FGF12: variants seen among roughly 807,000 people sequenced by gnomAD.
FGF12 encodes fibroblast growth factor 12, also known as fibroblast growth factor 12B.
In FGF12, 14 loss-of-function variants were observed where a neutral mutation model predicts 23.6. The observed-to-expected ratio is 0.59, with a 90% confidence interval of 0.39 to 0.93. The LOEUF (loss-of-function observed/expected upper bound fraction) is 0.93. FGF12 is among the 40% of genes least tolerant of loss of function. The pLI is 0.00. For synonymous variants in FGF12, 62 were observed against 77.3 expected (o/e 0.80, Z 1.04); for missense variants, 175 against 217.8 (o/e 0.80, Z 1.24).
At chr3:192,703,808 T>C (rs1056960974) in intron 2 of FGF12, among the ~76,000 whole-genome samples, 2 of 152,218 alleles carry the variant, frequency 1.3e-5, no homozygotes, top group African/African-American at 2.4e-5. Context: ...TCAGGAGATC[T>C]GATGGTTTTA....
intron 2 of FGF12, among the ~76,000 whole-genome samples, chr3:192,617,190 G>C (rs894640322): frequency 6.6e-6 from 1 of 151,934 alleles, no homozygotes; most frequent in Non-Finnish European, 1.5e-5. Flanking sequence ...CTGATTTCTA[G>C]GTAAGCTTTT....
chr3:192,185,595 C>T (rs1716412887), intron 4 of FGF12, among the ~76,000 whole-genome samples: 2 of 151,722 alleles, frequency 1.3e-5, no homozygotes, highest in South Asian at 2.1e-4. Flanking sequence ...GGCGTGGTGG[C>T]TCACGCCTGT....
intron 2 of FGF12, among the ~76,000 whole-genome samples, chr3:192,567,737 C>CTT (rs1158440587): frequency 2.9e-4 from 13 of 45,172 alleles, no homozygotes; most frequent in Non-Finnish European, 4.6e-4. Context: ...CCATGTGTCT[C>CTT]TTTCTTTCTT....
chr3:192,589,007 C>T (rs1451284386), intron 2 of FGF12, among the ~76,000 whole-genome samples: 1 of 151,874 alleles, frequency 6.6e-6, no homozygotes, highest in Non-Finnish European at 1.5e-5. Context: ...GAAACTGTAT[C>T]AGCATGGTCA....
chr3:192,476,826 A>G (rs1723340005), intron 2 of FGF12, among the ~76,000 whole-genome samples: 1 of 152,224 alleles, frequency 6.6e-6, no homozygotes, highest in Admixed American at 6.5e-5. Context: ...CTCTGAAGGC[A>G]ATAGAGAGCC....
At chr3:192,621,440 T>C (rs987697022) in intron 2 of FGF12, among the ~76,000 whole-genome samples, 7 of 152,038 alleles carry the variant, frequency 4.6e-5, no homozygotes, top group Admixed American at 4.6e-4. Context: ...CAAGAGCCAT[T>C]TGGAATTGAA....
At chr3:192,727,017 C>T (rs969092415) in intron 2 of FGF12, 164 bp downstream of exon 2, 1 of 799,104 alleles carries the variant, frequency 1.3e-6, no homozygotes, top group African/African-American at 1.7e-5. Flanking sequence ...AAAAAGAAGT[C>T]GCCTTCCTGC....
chr3:192,607,267 T>G (rs1458326779), intron 2 of FGF12, among the ~76,000 whole-genome samples: 1 of 152,052 alleles, frequency 6.6e-6, no homozygotes. Context: ...GGAAACCCCA[T>G]GTGTTCAGGA....
chr3:192,560,497 C>G (rs1711974458), intron 2 of FGF12, among the ~76,000 whole-genome samples: 1 of 151,728 alleles, frequency 6.6e-6, no homozygotes, highest in South Asian at 2.1e-4. Context: ...ATTACCAATA[C>G]TAGGAATAAA....
intron 2 of FGF12, among the ~76,000 whole-genome samples, chr3:192,651,511 T>A (rs971403398): frequency 1.3e-5 from 2 of 152,124 alleles, no homozygotes; most frequent in East Asian, 3.8e-4. Flanking sequence ...CCCCTCGCCT[T>A]TGAAGACAAA....
chr3:192,503,505 C>A (rs886378459), intron 2 of FGF12, among the ~76,000 whole-genome samples: 1 of 151,556 alleles, frequency 6.6e-6, no homozygotes, highest in Non-Finnish European at 1.5e-5. Context: ...CATTTTTTAT[C>A]CGTGAAAAAC....
intron 2 of FGF12, among the ~76,000 whole-genome samples, chr3:192,455,415 A>G (rs574414604): frequency 3.9e-5 from 6 of 152,190 alleles, no homozygotes; most frequent in Non-Finnish European, 8.8e-5. Context: ...TTCTGGGAAG[A>G]GAAATAGTTG....
At chr3:192,573,165 C>T (rs1712724787) in intron 2 of FGF12, among the ~76,000 whole-genome samples, 1 of 151,632 alleles carries the variant, frequency 6.6e-6, no homozygotes, top group African/African-American at 2.4e-5. Context: ...TAGGGGTTCT[C>T]AGTGCTTATG....
intron 2 of FGF12, among the ~76,000 whole-genome samples, chr3:192,525,919 T>C (rs1724935103): frequency 6.6e-6 from 1 of 152,126 alleles, no homozygotes; most frequent in Non-Finnish European, 1.5e-5. Flanking sequence ...GGACTACAGG[T>C]GTGCGCCACC....
intron 2 of FGF12, among the ~76,000 whole-genome samples, chr3:192,694,424 T>C (rs1341478434): frequency 6.6e-6 from 1 of 152,118 alleles, no homozygotes; most frequent in Non-Finnish European, 1.5e-5. Context: ...ATCAGTACTT[T>C]ATCAAGATAC....
chr3:192,152,706 C>T (rs1465473502), intron 5 of FGF12, among the ~76,000 whole-genome samples: 2 of 98,788 alleles, frequency 2.0e-5, no homozygotes, highest in Non-Finnish European at 4.1e-5. Context: ...TGTTCTTTTA[C>T]ATTTGCTGAG....
At chr3:192,718,059 A>G (rs1718915802) in intron 2 of FGF12, among the ~76,000 whole-genome samples, 1 of 151,868 alleles carries the variant, frequency 6.6e-6, no homozygotes, top group Admixed American at 6.6e-5. Flanking sequence ...TTTTAGTAAT[A>G]TATTACTAAT....
chr3:192,721,150 A>G (rs2108746915), intron 2 of FGF12, among the ~76,000 whole-genome samples: 1 of 152,316 alleles, frequency 6.6e-6, no homozygotes, highest in Admixed American at 6.5e-5. Context: ...ACTTGCTGCT[A>G]AAACTACAAA....
intron 2 of FGF12, among the ~76,000 whole-genome samples, chr3:192,524,849 C>CCCA (rs147090044): frequency 0.052 from 7,949 of 152,098 alleles, 619 homozygotes; most frequent in African/African-American, 0.17. Context: ...CTTTCTTAAA[C>CCCA]CCGAGTGCTG....
Sources: gnomAD v4.1 joint callset for allele counts (sites outside exome capture counted in the v4.1 genomes callset) on GRCh38, gnomAD v4.1.1 for gene constraint, MANE v1.5 for transcripts, NCBI Gene and HGNC (gene_info 2026-07-23, HGNC 2026-07-21) for gene names.